Variants in PAFAH1B1 observed in about 807,000 individuals in gnomAD.
PAFAH1B1 encodes the protein platelet activating factor acetylhydrolase 1b regulatory subunit 1.
A neutral mutation model predicts 57.5 loss-of-function variants in PAFAH1B1; 2 were observed. The observed-to-expected ratio is 0.03, with a 90% CI of 0.01 to 0.11. The LOEUF (loss-of-function observed/expected upper bound fraction) is 0.11, where lower values mean the gene tolerates loss of function less well. Among genes scored for constraint, PAFAH1B1 ranks in the 10% least tolerant of loss-of-function variants. The pLI, the probability that PAFAH1B1 is intolerant of heterozygous loss-of-function variation, is 1.00. For missense variants in PAFAH1B1, 257 were observed against 512.0 expected (o/e 0.50, Z 4.81); for synonymous variants, 152 against 169.6 (o/e 0.90, Z 0.81).
At chr17:2,671,321 G>C (rs190894494) in intron 6 of PAFAH1B1, among the ~76,000 whole-genome samples, 1 of 150,730 alleles carries the variant, frequency 6.6e-6, no homozygotes, top group East Asian at 2.0e-4. Flanking sequence ...TGATTCTCCT[G>C]CCTCAGCCTC....
At chr17:2,663,118 TAAAGAAAG>T (rs142435679) in intron 2 of PAFAH1B1, among the ~76,000 whole-genome samples, 2 of 149,612 alleles carry the variant, frequency 1.3e-5, no homozygotes, top group Non-Finnish European at 2.9e-5. Context: ...TGTCTCTAAA[TAAAGAAAG>T]AAAGAGCCAA....
At chr17:2,677,289 C>G (rs1038548842) in intron 9 of PAFAH1B1, among the ~76,000 whole-genome samples, 1 of 152,206 alleles carries the variant, frequency 6.6e-6, no homozygotes, top group African/African-American at 2.4e-5. Flanking sequence ...TGTTATACCT[C>G]CTTGCTCACA....
chr17:2,654,342 A>G (rs1396944085), intron 2 of PAFAH1B1, among the ~76,000 whole-genome samples: 2 of 151,602 alleles, frequency 1.3e-5, no homozygotes, highest in African/African-American at 4.8e-5. Context: ...GGCACGCACC[A>G]TCACTCCCAG....
At chr17:2,596,198 A>G (rs2068082642) in intron 1 of PAFAH1B1, among the ~76,000 whole-genome samples, 1 of 151,468 alleles carries the variant, frequency 6.6e-6, no homozygotes, top group East Asian at 2.0e-4. Context: ...ATATTAATAT[A>G]TAAAGATACA....
At chr17:2,600,372 C>A (rs1449202557) in intron 1 of PAFAH1B1, among the ~76,000 whole-genome samples, 1 of 151,852 alleles carries the variant, frequency 6.6e-6, no homozygotes, top group East Asian at 1.9e-4. Flanking sequence ...GAGTTCCAGA[C>A]CAGCCTGGCC....
At chr17:2,631,551 A>G (rs1200422119) in intron 1 of PAFAH1B1, among the ~76,000 whole-genome samples, 1 of 152,052 alleles carries the variant, frequency 6.6e-6, no homozygotes, top group South Asian at 2.1e-4. Flanking sequence ...TGCATCCTCT[A>G]TCCCTGCATT....
intron 3 of PAFAH1B1, 143 bp from the exon 4 acceptor site, chr17:2,665,873 A>C (rs1379809838): frequency 1.2e-6 from 1 of 855,694 alleles, no homozygotes; most frequent in Non-Finnish European, 1.7e-6. Context: ...AAGTGCTGGG[A>C]TTACAGGTGA....
At chr17:2,649,214 C>CA (rs566280217) in intron 2 of PAFAH1B1, among the ~76,000 whole-genome samples, 2,744 of 65,686 alleles carry the variant, frequency 0.042, 86 homozygotes, top group African/African-American at 0.11. Flanking sequence ...AAGACTGTCT[C>CA]AAAAAAAAAA....
chr17:2,602,448 C>T (rs1277660871), intron 1 of PAFAH1B1, among the ~76,000 whole-genome samples: 2 of 152,110 alleles, frequency 1.3e-5, no homozygotes. Context: ...GGGACTCAAC[C>T]TTGACTCTTC....
intron 2 of PAFAH1B1, among the ~76,000 whole-genome samples, chr17:2,660,395 C>T (rs1047133713): frequency 1.3e-5 from 2 of 152,106 alleles, no homozygotes; most frequent in African/African-American, 4.8e-5. Flanking sequence ...TGCTCTCCCT[C>T]CCCTCAACCC....
intron 2 of PAFAH1B1, among the ~76,000 whole-genome samples, chr17:2,652,107 A>G (rs9910332): frequency 0.33 from 49,823 of 151,882 alleles, 8,542 homozygotes; most frequent in African/African-American, 0.41. Context: ...CTTTGACTTA[A>G]CAATATGTAC....
rs542753644 is a variant in PAFAH1B1, at chr17:2,683,236, C to G, written c.*1434C>G. On this transcript the variant is annotated 3_prime_UTR_variant, in exon 11 of 11. Coordinates refer to ENST00000397195, the MANE Select transcript of PAFAH1B1 (RefSeq NM_000430.4). ...AGGTAGGTTTAAGAGAATTTTTAGCCATGACTTTTGGAGCACTATTCCATT... is the reference window on the plus strand; with the variant it reads ...AGGTAGGTTTAAGAGAATTTTTAGCGATGACTTTTGGAGCACTATTCCATT... 6.6e-6 allele frequency: 1 copy of G among 152,172 alleles called. No homozygotes were observed. The highest frequency in any genetic ancestry group is 1.5e-5 in the Non-Finnish European group (1 of 68,030). The allele number at this position is 152,172 out of a possible 1,614,324, so 9.4% of individuals were successfully genotyped here.
chr17:2,655,728 T>A (rs1794246724), intron 2 of PAFAH1B1, among the ~76,000 whole-genome samples: 1 of 151,058 alleles, frequency 6.6e-6, no homozygotes, highest in Admixed American at 6.6e-5. Context: ...CACACATGTG[T>A]AAGATGTACC....
At chr17:2,622,099 C>T (rs1309784476) in intron 1 of PAFAH1B1, among the ~76,000 whole-genome samples, 1 of 152,162 alleles carries the variant, frequency 6.6e-6, no homozygotes, top group Non-Finnish European at 1.5e-5. Flanking sequence ...CTGGGTCTCT[C>T]CTGCAACACG....
At position 2,674,206 on chromosome 17, in the gene PAFAH1B1, G is replaced by A. The variant is rs794729199; in HGVS notation, c.818G>A (p.Arg273Gln). The change falls in exon 8 of 11, where the codon CGA becomes CAA. Residue 273 changes from arginine (R) to glutamine (Q), a missense_variant. By Grantham distance (43) the Arg-to-Gln change is conservative (BLOSUM62 1). Coordinates refer to ENST00000397195, the MANE Select transcript of PAFAH1B1 (RefSeq NM_000430.4). ...VATKECKAEL[R>Q]EHEHVVECIS... ...ACAAAGGAATGCAAGGCTGAGCTCCGAGAGCATGAGCATGTGGTAGAATGC... is the reference window on the plus strand; with the variant it reads ...ACAAAGGAATGCAAGGCTGAGCTCCAAGAGCATGAGCATGTGGTAGAATGC... The A allele has an allele frequency of 1.2e-6, 2 of 1,613,984 alleles. No individual in the cohort carries two copies. The highest frequency in any genetic ancestry group is 8.5e-7 in the Non-Finnish European group (1 of 1,179,980).
intron 2 of PAFAH1B1, among the ~76,000 whole-genome samples, chr17:2,645,556 G>A (rs2068755995): frequency 6.7e-6 from 1 of 150,070 alleles, no homozygotes; most frequent in African/African-American, 2.4e-5. Flanking sequence ...TCGCACCACT[G>A]CACTCCAGCC....
Position 2,682,292 on chromosome 17 carries a change from G to A in PAFAH1B1, c.*490G>A, listed in dbSNP as rs922398815. The stretch of plus-strand genomic sequence containing the variant: ...CTTCTGTAAGGATTTTAGATGATAA[G>A]GCTACAATTCAGAATCTTCTGAACC... On this transcript the variant is annotated 3_prime_UTR_variant, in exon 11 of 11. Coordinates refer to ENST00000397195, the MANE Select transcript of PAFAH1B1 (RefSeq NM_000430.4). 2.0e-5 allele frequency: 3 copies of A among 153,562 alleles called. No homozygotes were observed. Among genetic ancestry groups the A allele is most frequent in the African/African-American group, 7.2e-5 (3 of 41,460 alleles). 9.5% of individuals were successfully genotyped at this position (153,562 alleles called of 1,614,324 possible).
chr17:2,609,476 T>C (rs1392095309), intron 1 of PAFAH1B1: 1 of 152,254 alleles, frequency 6.6e-6, no homozygotes, highest in East Asian at 1.9e-4. Flanking sequence ...CAGCTGTAGT[T>C]TTCAAGAAAA....
At chr17:2,674,810 C>T (rs2069237601) in intron 8 of PAFAH1B1, among the ~76,000 whole-genome samples, 1 of 152,094 alleles carries the variant, frequency 6.6e-6, no homozygotes, top group Non-Finnish European at 1.5e-5. Context: ...TAACGCATTT[C>T]TTTGTGATCT....
Sources: allele counts gnomAD v4.1 joint callset (sites outside exome capture counted in the v4.1 genomes callset), GRCh38; gene constraint gnomAD v4.1.1; transcripts MANE v1.5; gene names NCBI Gene and HGNC (gene_info 2026-07-23, HGNC 2026-07-21).